The following HACD2 variants were observed in gnomAD, a reference collection of about 807,000 sequenced individuals.
The protein encoded by HACD2 is very-long-chain (3R)-3-hydroxyacyl-CoA dehydratase 2.
In HACD2, 15 loss-of-function variants were observed where a neutral mutation model predicts 31.0. The ratio of observed to expected loss-of-function variants is 0.48; its 90% CI spans 0.32 to 0.75. HACD2 has a LOEUF of 0.75. Among genes scored for constraint, HACD2 ranks in the 30% least tolerant of loss-of-function variants. The pLI, the probability that HACD2 is intolerant of heterozygous loss-of-function variation, is 0.03. For missense variants in HACD2, 283 were observed against 313.0 expected (o/e 0.90, Z 0.72); for synonymous variants, 115 against 122.2 (o/e 0.94, Z 0.39).
chr3:123,545,550 A>T (rs1407606702), intron 3 of HACD2, among the ~76,000 whole-genome samples: 2 of 85,080 alleles, frequency 2.4e-5, no homozygotes, highest in African/African-American at 1.0e-4. Context: ...TTTTACTTTA[A>T]AAAAAAAAAA....
At chr3:123,537,079 C>T (rs958442324) in intron 3 of HACD2, among the ~76,000 whole-genome samples, 7 of 152,054 alleles carry the variant, frequency 4.6e-5, no homozygotes, top group Admixed American at 3.3e-4. Flanking sequence ...TAATTATGGT[C>T]ATAGACTATA....
chr3:123,529,454 G>A (rs746010351), intron 3 of HACD2, among the ~76,000 whole-genome samples: 3 of 152,138 alleles, frequency 2.0e-5, no homozygotes, highest in African/African-American at 4.8e-5. Context: ...GCCAGAAACA[G>A]TGGCTCACGC....
chr3:123,579,219 TA>T (rs1433018226), intron 2 of HACD2, among the ~76,000 whole-genome samples: 1 of 152,214 alleles, frequency 6.6e-6, no homozygotes, highest in African/African-American at 2.4e-5. Flanking sequence ...GAGTGGATTT[TA>T]AAGTATGACA....
At chr3:123,571,981 C>A (rs905730468) in intron 2 of HACD2, among the ~76,000 whole-genome samples, 1 of 152,094 alleles carries the variant, frequency 6.6e-6, no homozygotes, top group East Asian at 1.9e-4. Context: ...GGATGCAGAA[C>A]AAATCTTCAT....
At chr3:123,569,946 G>A (rs1005306326) in intron 2 of HACD2, among the ~76,000 whole-genome samples, 30 of 132,232 alleles carry the variant, frequency 2.3e-4, no homozygotes, top group African/African-American at 8.0e-4. Context: ...CCGAGATTGC[G>A]CCACTGCACT....
chr3:123,507,784 G>C (rs1450010531), intron 4 of HACD2, among the ~76,000 whole-genome samples: 1 of 152,122 alleles, frequency 6.6e-6, no homozygotes, highest in East Asian at 1.9e-4. Context: ...TTGGGTGATG[G>C]AAATGTTCTA....
At chr3:123,533,654 A>G (rs150585681) in intron 3 of HACD2, among the ~76,000 whole-genome samples, 1 of 152,358 alleles carries the variant, frequency 6.6e-6, no homozygotes, top group African/African-American at 2.4e-5. Context: ...AATTCATTCA[A>G]AAAAGATGTA....
intron 2 of HACD2, among the ~76,000 whole-genome samples, chr3:123,581,860 C>T (rs1209339952): frequency 6.6e-6 from 1 of 152,162 alleles, no homozygotes; most frequent in Non-Finnish European, 1.5e-5. Flanking sequence ...TTCCAATATC[C>T]TACACCCACC....
intron 2 of HACD2, among the ~76,000 whole-genome samples, chr3:123,568,461 G>A (rs1460727316): frequency 6.6e-6 from 1 of 152,182 alleles, no homozygotes; most frequent in African/African-American, 2.4e-5. Flanking sequence ...AGTCTTTGGG[G>A]TTCAACAGTC....
At chr3:123,547,324 TA>T (rs774855876) in intron 3 of HACD2, among the ~76,000 whole-genome samples, 4 of 152,224 alleles carry the variant, frequency 2.6e-5, no homozygotes, top group Non-Finnish European at 4.4e-5. Flanking sequence ...GTTATATGAA[TA>T]AACTCTAAAG....
chr3:123,494,694 G>GT lies in HACD2; in HGVS notation c.*193dup. On this transcript the variant is annotated 3_prime_UTR_variant, in exon 7 of 7. Coordinates refer to ENST00000383657, the MANE Select transcript of HACD2 (RefSeq NM_198402.5). ...CATGCTGAAATGAACTGGCCAGGGTGTTTTATGTAACAACCTTTTTCTAAA... is the reference window on the plus strand; with the variant it reads ...CATGCTGAAATGAACTGGCCAGGGTGTTTTTATGTAACAACCTTTTTCTAAA... The GT allele has an allele frequency of 1.7e-6, 1 of 604,726 alleles. No individual in the cohort carries two copies. Among genetic ancestry groups the GT allele is most frequent in the Non-Finnish European group, 2.9e-6 (1 of 344,756 alleles). The allele number at this position is 604,726 out of a possible 1,614,324, so 37.5% of individuals were successfully genotyped here. A position where few individuals can be genotyped will look rare whatever the true frequency, so the allele number is the denominator to read the frequency against.
rs1023446807 is a variant in HACD2, at chr3:123,502,664, A to G, written c.399T>C (p.Ser133=). ...TCCATGCAATAACAAACAGGAGGAC[A>G]CTGTCTTCACTCTGTACCTGAAGGA... ...HSVKEVQSED[S]VLLFVIAWTI... Residue 133 remains serine (S), a synonymous_variant, in exon 5 of 7, where the codon AGT becomes AGC. Coordinates refer to ENST00000383657, the MANE Select transcript of HACD2 (RefSeq NM_198402.5). 8 of 1,603,640 alleles carry G rather than the reference A, an allele frequency of 5.0e-6. No individual in the cohort carries two copies. The African/African-American group carries it at 8.0e-5, about 16-fold the overall frequency.
intron 3 of HACD2, among the ~76,000 whole-genome samples, chr3:123,529,925 AT>A (rs1269239563): frequency 2.6e-5 from 4 of 152,280 alleles, no homozygotes; most frequent in East Asian, 1.9e-4. Context: ...AAAAAAAAAA[AT>A]ATATTGAAGA....
At chr3:123,544,532 A>G (rs1226198547) in intron 3 of HACD2, among the ~76,000 whole-genome samples, 1 of 152,246 alleles carries the variant, frequency 6.6e-6, no homozygotes, top group Non-Finnish European at 1.5e-5. Flanking sequence ...CTCAGAGTGA[A>G]AGCTTTTATT....
At chr3:123,547,660 G>A (rs1052583886) in intron 3 of HACD2, among the ~76,000 whole-genome samples, 1 of 152,162 alleles carries the variant, frequency 6.6e-6, no homozygotes, top group African/African-American at 2.4e-5. Context: ...TACCATGTAT[G>A]ACCTACCAGG....
In HACD2 at chr3:123,570,079, A is replaced by G. The variant is rs76111426; in HGVS notation, c.274-2299T>C. Reference sequence around the variant, plus strand: ...CAGGACACTGCAGGAGAGGACACACAGCAATGAATGGCTAGCATGTCTTCT... The same window carrying G: ...CAGGACACTGCAGGAGAGGACACACGGCAATGAATGGCTAGCATGTCTTCT... On this transcript the variant is annotated intron_variant, in intron 2 of 6. Coordinates refer to ENST00000383657, the MANE Select transcript of HACD2 (RefSeq NM_198402.5). Among the ~76,000 whole-genome samples the G allele has an allele frequency of 5.4e-3, 799 of 147,184 alleles. 10 individuals are homozygous for G. Among genetic ancestry groups the G allele is most frequent in the African/African-American group, 0.019 (773 of 40,616 alleles).
chr3:123,499,501 T>C (rs1015632734), intron 6 of HACD2: 7 of 395,566 alleles, frequency 1.8e-5, no homozygotes, highest in Non-Finnish European at 2.5e-5. Flanking sequence ...AACACTCACA[T>C]GAAATCTGGA....
intron 4 of HACD2, among the ~76,000 whole-genome samples, chr3:123,509,746 G>A (rs186150830): frequency 1.1e-4 from 16 of 152,056 alleles, no homozygotes; most frequent in African/African-American, 1.4e-4. Flanking sequence ...TGATCCGCCC[G>A]CCTCGGCCTC....
At chr3:123,543,002 T>TG (rs2056512452) in intron 3 of HACD2, among the ~76,000 whole-genome samples, 1 of 152,226 alleles carries the variant, frequency 6.6e-6, no homozygotes, top group Non-Finnish European at 1.5e-5. Flanking sequence ...TCTTGCTGTT[T>TG]GGGGGAAGGG....
Sources: allele counts gnomAD v4.1 joint callset (sites outside exome capture counted in the v4.1 genomes callset), GRCh38; gene constraint gnomAD v4.1.1; transcripts MANE v1.5; gene names NCBI Gene and HGNC (gene_info 2026-07-23, HGNC 2026-07-21).